The following ZNF622 variants were observed in gnomAD, a reference collection of about 807,000 sequenced individuals.
ZNF622 encodes the protein zinc finger protein 622, also known as cytoplasmic 60S subunit biogenesis factor ZNF622.
ZNF622 carries 34 observed loss-of-function variants against 49.7 expected under a neutral mutation model. The observed-to-expected ratio is 0.68, with a 90% CI of 0.52 to 0.91. ZNF622 has a LOEUF of 0.91. Ranked by LOEUF, ZNF622 falls within the 40% of genes least tolerant of loss-of-function variation. The pLI is 0.00. For synonymous variants in ZNF622, 209 were observed against 228.7 expected, an observed-to-expected ratio of 0.91 and a Z score of 0.78; for missense variants, 569 against 616.4, an observed-to-expected ratio of 0.92 and a Z score of 0.81.
In ZNF622 at chr5:16,465,350, C is replaced by A; in HGVS notation, c.316G>T (p.Val106Leu). Residue 106 changes from valine (V) to leucine (L), a missense_variant, in exon 1 of 6, where the codon GTG becomes TTG. Transcript: ENST00000308683. This position sits in a 1 kb window ranked among gnomAD's most constrained non-coding sequence, Gnocchi z 6.2. ...KKAVQAVNRK[V>L]EMMNEKNLEK... ...AAGTTCTTTTCATTCATCATCTCCA[C>A]TTTCCGATTCACTGCCTGCACGGCC... The A allele has an allele frequency of 1.9e-6, 3 of 1,614,302 alleles. No individual in the cohort carries two copies. The highest frequency in any genetic ancestry group is 2.5e-6 in the Non-Finnish European group (3 of 1,180,060).
chr5:16,456,002 A>T (rs1330207390), intron 4 of ZNF622, among the ~76,000 whole-genome samples: 1 of 152,254 alleles, frequency 6.6e-6, no homozygotes, highest in Non-Finnish European at 1.5e-5. Context: ...CCAATAAATA[A>T]GGGATTGGTT....
rs529139654 is a variant in ZNF622 at position 16,455,509 on chromosome 5, T to C, written c.1163-2353A>G. Among the ~76,000 whole-genome samples, 282 of 152,312 alleles carry C rather than the reference T, an allele frequency of 1.9e-3. 1 individual carries two copies. The highest frequency in any genetic ancestry group is 6.4e-3 in the African/African-American group (268 of 41,562). On this transcript the variant is annotated intron_variant, in intron 4 of 5. Coordinates refer to ENST00000308683, the MANE Select transcript of ZNF622 (RefSeq NM_033414.3). Reference sequence around the variant, plus strand: ...TGGATACTAGTGTGGATAAAAACATTTTCCCTAAACCTGACTGTTTTGACA... The same window carrying C: ...TGGATACTAGTGTGGATAAAAACATCTTCCCTAAACCTGACTGTTTTGACA...
chr5:16,460,572 TC>T (rs1738106478), intron 3 of ZNF622, among the ~76,000 whole-genome samples: 1 of 151,964 alleles, frequency 6.6e-6, no homozygotes, highest in African/African-American at 2.4e-5. Context: ...TTTTTTTTTT[TC>T]CTTTTTTTCC....
At position 16,453,556 on chromosome 5, in the gene ZNF622, AAAT is replaced by A. The variant is rs1737968149; in HGVS notation, c.1163-403_1163-401del. Among the ~76,000 whole-genome samples the A allele has an allele frequency of 9.6e-5, 10 of 104,642 alleles. 1 individual carries two copies. Among genetic ancestry groups the A allele is most frequent in the African/African-American group, 3.5e-4 (10 of 28,326 alleles). 68.6% of individuals were successfully genotyped at this position (104,642 alleles called of 152,430 possible). A position where few individuals can be genotyped will look rare whatever the true frequency, so the allele number is the denominator to read the frequency against. On this transcript the variant is annotated intron_variant, in intron 4 of 5. Transcript: ENST00000308683. ...GCGTTTTATATATATAAATAAATAA[AAAT>A]TATATATATATATATATATATATAT... is the stretch of plus-strand genomic sequence containing the variant.
Position 16,463,196 on chromosome 5 carries a change from C to T in ZNF622, c.961G>A (p.Val321Ile). 6.2e-7 allele frequency: 1 copy of T among 1,614,024 alleles called. No homozygotes were observed. Among genetic ancestry groups the T allele is most frequent in the Non-Finnish European group, 8.5e-7 (1 of 1,180,000 alleles). Residue 321 changes from valine (V) to isoleucine (I), a missense_variant, in exon 3 of 6, where the codon GTA (valine) becomes ATA (isoleucine). Physicochemically the swap from Val to Ile is conservative, Grantham distance 29 (BLOSUM62 3). Transcript: ENST00000308683. This position sits in a 1 kb window ranked among gnomAD's most constrained non-coding sequence, Gnocchi z 4.2. ...CTTTTGTCATTCATATGTGCCTGTA[C>T]AGCTTCTGTGGAGTAGAAGGACTTC... ...KGKSFYSTEA[V>I]QAHMNDKSHC... is the part of the protein sequence containing the mutation.
chr5:16,452,317 T>G (rs1185497594), intron 5 of ZNF622, among the ~76,000 whole-genome samples: 1 of 152,198 alleles, frequency 6.6e-6, no homozygotes, highest in Non-Finnish European at 1.5e-5. Context: ...CCTGAAGATC[T>G]AAGGATATAA....
chr5:16,458,166 A>G (rs1274662002), intron 4 of ZNF622, among the ~76,000 whole-genome samples: 1 of 152,144 alleles, frequency 6.6e-6, no homozygotes, highest in Admixed American at 6.5e-5. Flanking sequence ...AGTTCAAAGA[A>G]TAACAGTAAG....
intron 3 of ZNF622, among the ~76,000 whole-genome samples, chr5:16,461,888 C>T (rs1738126481): frequency 6.6e-6 from 1 of 152,122 alleles, no homozygotes; most frequent in African/African-American, 2.4e-5. Context: ...CTGAATATAA[C>T]CACAGGATGA....
chr5:16,452,549 C>A (rs1737950100), intron 5 of ZNF622, among the ~76,000 whole-genome samples: 1 of 152,180 alleles, frequency 6.6e-6, no homozygotes, highest in Non-Finnish European at 1.5e-5. Context: ...AGAGGTAGGT[C>A]TTATTACTAT....
intron 3 of ZNF622, among the ~76,000 whole-genome samples, chr5:16,460,649 T>C (rs975080185): frequency 1.3e-5 from 2 of 152,128 alleles, no homozygotes; most frequent in African/African-American, 4.8e-5. Flanking sequence ...GGTGATCCTC[T>C]TACCTCAGCC....
In ZNF622 at chr5:16,453,005, C is replaced by T. The variant is rs751892348; in HGVS notation, c.1306+8G>A. ...CAGACTGGTCTGTAGTTGTAAAGAT[C>T]AATGTACCTGTGCTGCCAGTCCATC... On this transcript the variant is annotated splice_region_variant and intron_variant, in intron 5 of 5. Coordinates refer to ENST00000308683, the MANE Select transcript of ZNF622 (RefSeq NM_033414.3). The T allele has an allele frequency of 6.9e-7, 1 of 1,444,352 alleles. No individual in the cohort carries two copies. Among genetic ancestry groups the T allele is most frequent in the Non-Finnish European group, 9.2e-7 (1 of 1,087,468 alleles). 89.5% of individuals were successfully genotyped at this position (1,444,352 alleles called of 1,614,324 possible).
In ZNF622 at chr5:16,465,433, G is replaced by A; in HGVS notation, c.233C>T (p.Ser78Phe). The A allele has an allele frequency of 6.2e-7, 1 of 1,614,266 alleles. No homozygotes were observed. Among genetic ancestry groups the A allele is most frequent in the Non-Finnish European group, 8.5e-7 (1 of 1,180,050 alleles). The change falls in exon 1 of 6, where the codon TCT becomes TTT. Residue 78 changes from serine to phenylalanine, a missense_variant. Coordinates refer to ENST00000308683, the MANE Select transcript of ZNF622 (RefSeq NM_033414.3). This position sits in a 1 kb window ranked among gnomAD's most constrained non-coding sequence, Gnocchi z 6.2. ...YCTVCSKKFASFNAYENHLKS... is the reference protein window; with the variant it reads ...YCTVCSKKFAFFNAYENHLKS... ...GAGGTGGTTCTCGTAGGCGTTGAAA[G>A]AGGCAAACTTCTTACTGCAAACGGT...
chr5:16,452,863 T>C (rs1737955801), intron 5 of ZNF622, 150 bp downstream of exon 5: 2 of 761,326 alleles, frequency 2.6e-6, no homozygotes, highest in South Asian at 1.3e-4. Context: ...CTTAAACATA[T>C]CAAGTGGTAA....
intron 4 of ZNF622, among the ~76,000 whole-genome samples, chr5:16,453,600 T>TATATATATATAC (rs1561067797): frequency 7.8e-6 from 1 of 127,614 alleles, no homozygotes; most frequent in East Asian, 2.3e-4. Context: ...TATATATATA[T>TATATATATATAC]ATGAAGAAGA....
At position 16,463,625 on chromosome 5, in the gene ZNF622, G is replaced by A. The variant is rs775466728; in HGVS notation, c.743C>T (p.Ala248Val). ...EEAEEGPPLG[A>V]IPITDCLFCS... ...AAATAAGCAGTCCGTGATAGGGATG[G>A]CACCAAGGGGTGGGCCTTCCTCAGC... is the stretch of plus-strand genomic sequence containing the variant. Residue 248 changes from alanine to valine, a missense_variant, in exon 2 of 6, where the codon GCC becomes GTC. Physicochemically the swap from Ala to Val is moderately conservative, Grantham distance 64. Transcript: ENST00000308683. The surrounding 1 kb of genome is among the most constrained non-coding windows in gnomAD (Gnocchi z 4.2). 1.9e-6 allele frequency: 3 copies of A among 1,614,214 alleles called. No homozygotes were observed. Among genetic ancestry groups the A allele is most frequent in the Non-Finnish European group, 2.5e-6 (3 of 1,180,042 alleles).
chr5:16,455,579 A>T (rs1738012606), intron 4 of ZNF622, among the ~76,000 whole-genome samples: 1 of 152,208 alleles, frequency 6.6e-6, no homozygotes, highest in African/African-American at 2.4e-5. Context: ...AATAGGTGAG[A>T]TGTAGTTGAT....
intron 4 of ZNF622, among the ~76,000 whole-genome samples, chr5:16,454,395 G>A (rs4620025): frequency 0.28 from 41,697 of 148,906 alleles, 7,057 homozygotes; most frequent in Non-Finnish European, 0.38. Context: ...GGCTGAGGCA[G>A]GAGAATGGTG....
chr5:16,463,843 C>G lies in ZNF622; in HGVS notation c.626-101G>C, dbSNP rs1259896852. The G allele has an allele frequency of 8.7e-6, 11 of 1,257,274 alleles. No individual in the cohort carries two copies. Among genetic ancestry groups the G allele is most frequent in the African/African-American group, 1.5e-5 (1 of 66,916 alleles). 77.9% of individuals were successfully genotyped at this position (1,257,274 alleles called of 1,614,324 possible). A position where few individuals can be genotyped will look rare whatever the true frequency, so the allele number is the denominator to read the frequency against. On this transcript the variant is annotated intron_variant, in intron 1 of 5. Coordinates refer to ENST00000308683, the MANE Select transcript of ZNF622 (RefSeq NM_033414.3). The surrounding 1 kb of genome is among the most constrained non-coding windows in gnomAD (Gnocchi z 4.2). ...TGATACAGTCCTATATTTGGAGAAA[C>G]AGCCACACCCCAACTCCCAAGGACA...
chr5:16,452,075 A>G (rs1330778766), intron 5 of ZNF622, among the ~76,000 whole-genome samples: 1 of 152,184 alleles, frequency 6.6e-6, no homozygotes, highest in Non-Finnish European at 1.5e-5. Flanking sequence ...ATTAATCAGA[A>G]AGGCAGAAGC....
Sources: gnomAD v4.1 joint callset for allele counts (sites outside exome capture counted in the v4.1 genomes callset) on GRCh38, gnomAD v4.1.1 for gene constraint, Gnocchi (gnomAD v3.1) non-coding constraint, MANE v1.5 for transcripts, NCBI Gene and HGNC (gene_info 2026-07-23, HGNC 2026-07-21) for gene names.